The following FHAD1 variants were observed in gnomAD, a reference collection of about 807,000 sequenced individuals.
FHAD1 encodes the protein forkhead associated phosphopeptide binding domain 1.
FHAD1 carries 146 observed loss-of-function variants against 191.3 expected under a neutral mutation model. The observed-to-expected ratio is 0.76, with a 90% CI of 0.67 to 0.88. The LOEUF (loss-of-function observed/expected upper bound fraction) is 0.88, where lower values mean the gene tolerates loss of function less well. Ranked by LOEUF, FHAD1 falls within the 40% of genes least tolerant of loss-of-function variation. FHAD1 has a pLI of 0.00. For missense variants in FHAD1, 1,635 were observed against 1,785.8 expected, an observed-to-expected ratio of 0.92 and a Z score of 1.52; for synonymous variants, 616 against 672.3, an observed-to-expected ratio of 0.92 and a Z score of 1.29.
upstream of FHAD1, among the ~76,000 whole-genome samples, chr1:15,242,543 A>G (rs548000396): frequency 2.0e-5 from 3 of 152,354 alleles, no homozygotes; most frequent in South Asian, 4.1e-4. Context: ...AGTAGAATTT[A>G]TGGAGTTGTC....
intron 15 of FHAD1, among the ~76,000 whole-genome samples, 172 bp from the exon 16 acceptor site, chr1:15,341,564 G>A (rs1370165039): frequency 6.6e-6 from 1 of 152,226 alleles, no homozygotes; most frequent in Non-Finnish European, 1.5e-5. Context: ...ATTCTTTCTA[G>A]ATCCAGAGTC....
intron 12 of FHAD1, 94 bp from the exon 13 acceptor site, chr1:15,328,183 C>G: frequency 3.2e-5 from 31 of 971,832 alleles, no homozygotes; most frequent in Non-Finnish European, 3.9e-5. Context: ...ACTTAAGTTG[C>G]ATCTCTCCCC....
chr1:15,309,533 G>A (rs973031925), intron 7 of FHAD1, among the ~76,000 whole-genome samples: 5 of 152,192 alleles, frequency 3.3e-5, no homozygotes, highest in African/African-American at 9.6e-5. Flanking sequence ...AGCACTCAGG[G>A]GGTGAAGTGA....
downstream of FHAD1, among the ~76,000 whole-genome samples, chr1:15,399,208 G>A (rs964938216): frequency 1.3e-5 from 2 of 152,132 alleles, no homozygotes; most frequent in African/African-American, 4.8e-5. Flanking sequence ...AAACCTGGGG[G>A]AAGTAGGACA....
chr1:15,390,645 C>T (rs1703762230), intron 32 of FHAD1, among the ~76,000 whole-genome samples: 1 of 152,192 alleles, frequency 6.6e-6, no homozygotes, highest in South Asian at 2.1e-4. Context: ...GCTGCTCTTT[C>T]TTCAGGGAAC....
intron 2 of FHAD1, among the ~76,000 whole-genome samples, chr1:15,263,801 G>A (rs190859227): frequency 1.7e-4 from 26 of 152,288 alleles, no homozygotes; most frequent in East Asian, 7.7e-4. Context: ...GATTACAGGC[G>A]TGAGCCACTG....
rs1031394778 is a variant in FHAD1, at chr1:15,325,826, C to A, written c.1474-1233C>A. 6.5e-6 allele frequency: 1 copy of A among 152,784 alleles called. No homozygotes were observed. Among genetic ancestry groups the A allele is most frequent in the African/African-American group, 2.4e-5 (1 of 41,482 alleles). The allele number at this position is 152,784 out of a possible 1,614,324, so 9.5% of individuals were successfully genotyped here. On this transcript the variant is annotated intron_variant, in intron 11 of 33. Coordinates refer to ENST00000688493, the MANE Select transcript of FHAD1 (RefSeq NM_001391957.1). This position sits in a 1 kb window ranked among gnomAD's most constrained non-coding sequence, Gnocchi z 4.6. ...CCCTCTCTCTGCCTCCCAGTGCCTT[C>A]CCTCTCCTGTATCTCCAAGGCCCTG...
At position 15,360,567 on chromosome 1, in the gene FHAD1, A is replaced by G; in HGVS notation, c.2826A>G (p.Glu942=). 1 of 1,552,152 alleles carries G rather than the reference A, an allele frequency of 6.4e-7. No homozygotes were observed. The highest frequency in any genetic ancestry group is 8.7e-7 in the Non-Finnish European group (1 of 1,147,076). The change falls in exon 22 of 34, where the codon GAA becomes GAG. Residue 942 remains glutamate (E), a synonymous_variant. Transcript: ENST00000688493. ...EQESQRHGFE[E]EIMEYKEQIK... ...AATCACAGAGACACGGGTTTGAAGA[A>G]GAGATCATGGAATATAAGGAGCAAA... is the stretch of plus-strand genomic sequence containing the variant.
At chr1:15,257,020 G>A (rs865922280) in intron 2 of FHAD1, among the ~76,000 whole-genome samples, 22 of 152,232 alleles carry the variant, frequency 1.4e-4, no homozygotes, top group African/African-American at 5.3e-4. Flanking sequence ...CCAATGAGTT[G>A]TATCCCTTTG....
chr1:15,287,706 G>A (rs367742035), intron 3 of FHAD1, among the ~76,000 whole-genome samples: 3 of 152,250 alleles, frequency 2.0e-5, no homozygotes, highest in East Asian at 3.9e-4. Flanking sequence ...TCGGAGTTTG[G>A]TGCCAGATTT....
chr1:15,317,933 G>A lies in FHAD1; in HGVS notation c.1365+5G>A, dbSNP rs977332858. The A allele has an allele frequency of 1.2e-5, 18 of 1,540,808 alleles. No individual in the cohort carries two copies. Among genetic ancestry groups the A allele is most frequent in the East Asian group, 4.9e-5 (2 of 40,860 alleles). ...ACTCTGAGAGAAAAAAGCAAGGTACGTAGTGGACAACAGGCCCAGAGAGTG... is the reference window on the plus strand; with the variant it reads ...ACTCTGAGAGAAAAAAGCAAGGTACATAGTGGACAACAGGCCCAGAGAGTG... On this transcript the variant is annotated splice_donor_5th_base_variant and intron_variant, in intron 10 of 33. Transcript: ENST00000688493.
chr1:15,357,591 C>G (rs78895868), intron 20 of FHAD1, among the ~76,000 whole-genome samples: 123 of 147,890 alleles, frequency 8.3e-4, no homozygotes, highest in African/African-American at 3.0e-3. Flanking sequence ...CCGTTGCGCT[C>G]CAGCCCAGGT....
At chr1:15,255,120 T>TAAAAAAAAAAAAA (rs55969718) in intron 2 of FHAD1, among the ~76,000 whole-genome samples, 1 of 147,758 alleles carries the variant, frequency 6.8e-6, no homozygotes, top group Non-Finnish European at 1.5e-5. Flanking sequence ...TCAGGAATCT[T>TAAAAAAAAAAAAA]AAAAAAGTCA....
At chr1:15,283,931 T>G (rs1379955126) in intron 3 of FHAD1, among the ~76,000 whole-genome samples, 1 of 152,170 alleles carries the variant, frequency 6.6e-6, no homozygotes, top group African/African-American at 2.4e-5. Context: ...CAAGTGCAAA[T>G]CATGACTTCA....
chr1:15,398,882 G>A (rs544656324), downstream of FHAD1, among the ~76,000 whole-genome samples: 75 of 150,952 alleles, frequency 5.0e-4, no homozygotes, highest in East Asian at 9.7e-3. Flanking sequence ...GTGCAATGGC[G>A]CGATCTCTGC....
intron 25 of FHAD1, among the ~76,000 whole-genome samples, chr1:15,368,739 A>C (rs1697269808): frequency 6.6e-6 from 1 of 152,168 alleles, no homozygotes; most frequent in Admixed American, 6.5e-5. Context: ...CAGGAGTTTG[A>C]GACTAGCCTG....
chr1:15,378,836 G>T (rs1305883683), intron 28 of FHAD1, among the ~76,000 whole-genome samples: 1 of 151,950 alleles, frequency 6.6e-6, no homozygotes, highest in Non-Finnish European at 1.5e-5. Context: ...CTTGGTGTTC[G>T]TGGCGAGCAC....
chr1:15,388,007 A>C (rs549525306), intron 31 of FHAD1, 44 bp from the exon 32 acceptor site: 1 of 1,147,626 alleles, frequency 8.7e-7, no homozygotes, highest in South Asian at 1.3e-5. Context: ...GTAAGGACAC[A>C]CTAAGGTTAG....
At chr1:15,343,392 GACCCC>G (rs956002233) in intron 16 of FHAD1, among the ~76,000 whole-genome samples, 1 of 149,918 alleles carries the variant, frequency 6.7e-6, no homozygotes, top group African/African-American at 2.5e-5. Context: ...AGATCCACCG[GACCCC>G]AACTCTTCCC....
Sources: gnomAD v4.1 joint callset for allele counts (sites outside exome capture counted in the v4.1 genomes callset) on GRCh38, gnomAD v4.1.1 for gene constraint, Gnocchi (gnomAD v3.1) non-coding constraint, MANE v1.5 for transcripts, NCBI Gene and HGNC (gene_info 2026-07-23, HGNC 2026-07-21) for gene names.